Variants in KCNQ1 observed in about 807,000 individuals in gnomAD.
KCNQ1 encodes the protein potassium voltage-gated channel subfamily Q member 1.
Under a neutral mutation model 72.4 loss-of-function variants are expected in KCNQ1, and 49 were observed. That is an observed-to-expected ratio of 0.68 (90% CI 0.54 to 0.86). KCNQ1 has a LOEUF of 0.86. KCNQ1 is among the 40% of genes least tolerant of loss of function. KCNQ1 has a pLI of 0.00. For missense variants in KCNQ1, 790 were observed against 945.1 expected (o/e 0.84, Z 2.15); for synonymous variants, 450 against 412.6 (o/e 1.09, Z -1.10).
In KCNQ1 at chr11:2,676,606, G is replaced by A. The variant is rs1850299165; in HGVS notation, c.1514+14525G>A. 1 of 398,562 alleles carries A rather than the reference G, an allele frequency of 2.5e-6. No individual in the cohort carries two copies. The highest frequency in any genetic ancestry group is 4.4e-6 in the Non-Finnish European group (1 of 226,100). The allele number at this position is 398,562 out of a possible 1,614,324, so 24.7% of individuals were successfully genotyped here. On this transcript the variant is annotated intron_variant, in intron 11 of 15. Transcript: ENST00000155840. This position sits in a 1 kb window ranked among gnomAD's most constrained non-coding sequence, Gnocchi z 4.2. ...ATTCAACAGCCAGCTCTCCAAAGAGGCCTCTAAGAAATGGGTAGCTTCACA... is the reference window on the plus strand; with the variant it reads ...ATTCAACAGCCAGCTCTCCAAAGAGACCTCTAAGAAATGGGTAGCTTCACA...
Position 2,683,489 on chromosome 11 carries a change from C to T in KCNQ1, c.1514+21408C>T, listed in dbSNP as rs958107429. The T allele has an allele frequency of 2.5e-6, 1 of 398,464 alleles. No homozygotes were observed. Among genetic ancestry groups the T allele is most frequent in the Non-Finnish European group, 4.4e-6 (1 of 226,054 alleles). The allele number at this position is 398,464 out of a possible 1,614,324, so 24.7% of individuals were successfully genotyped here. A position where few individuals can be genotyped will look rare whatever the true frequency, so the allele number is the denominator to read the frequency against. On this transcript the variant is annotated intron_variant, in intron 11 of 15. Coordinates refer to ENST00000155840, the MANE Select transcript of KCNQ1 (RefSeq NM_000218.3). This position sits in a 1 kb window ranked among gnomAD's most constrained non-coding sequence, Gnocchi z 4.7. ...ATCAATGACAGTTTTCCTATTAAAA[C>T]ATAACTTGTTAAAGCATAGAGCTTA...
In KCNQ1 at chr11:2,514,695, G is replaced by A. The variant is rs12276374; in HGVS notation, c.387-13233G>A. Among the ~76,000 whole-genome samples the A allele has an allele frequency of 4.6e-3, 704 of 152,306 alleles. 2 individuals are homozygous for A. Among genetic ancestry groups the A allele is most frequent in the African/African-American group, 0.014 (601 of 41,572 alleles). On this transcript the variant is annotated intron_variant, in intron 1 of 15. Coordinates refer to ENST00000155840, the MANE Select transcript of KCNQ1 (RefSeq NM_000218.3). ...CAAAAAATTAGCCCGGCGTGGTGGC[G>A]GGCGCCTGTAGTCCCAGCTACTCGG...
intron 10 of KCNQ1, chr11:2,633,174 C>T (rs997699180): frequency 2.3e-5 from 9 of 398,380 alleles, no homozygotes; most frequent in African/African-American, 1.6e-4. Flanking sequence ...AGATGTTGAG[C>T]ATTTTTTCAC....
chr11:2,510,871 G>A (rs1847189204), intron 1 of KCNQ1, among the ~76,000 whole-genome samples: 1 of 152,098 alleles, frequency 6.6e-6, no homozygotes, highest in African/African-American at 2.4e-5. Context: ...CTGCTCCCCT[G>A]GCCCAGACCA....
In KCNQ1 at chr11:2,623,034, G is replaced by A. The variant is rs920073965; in HGVS notation, c.1393+34180G>A. On this transcript the variant is annotated intron_variant, in intron 10 of 15. Transcript: ENST00000155840. This position sits in a 1 kb window ranked among gnomAD's most constrained non-coding sequence, Gnocchi z 5.2. ...GTAATCCCCATGTGTCAGGGGAGGG[G>A]CCTGGTGGGGGGCAAACTTCCCCCT... is the stretch of plus-strand genomic sequence containing the variant. The A allele has an allele frequency of 2.5e-6, 1 of 398,598 alleles. No individual in the cohort carries two copies. Among genetic ancestry groups the A allele is most frequent in the South Asian group, 1.3e-4 (1 of 7,798 alleles). The allele number at this position is 398,598 out of a possible 1,614,324, so 24.7% of individuals were successfully genotyped here. A position where few individuals can be genotyped will look rare whatever the true frequency, so the allele number is the denominator to read the frequency against.
At chr11:2,727,243 G>T (rs1254963774) in intron 11 of KCNQ1, among the ~76,000 whole-genome samples, 1 of 152,212 alleles carries the variant, frequency 6.6e-6, no homozygotes, top group Non-Finnish European at 1.5e-5. Context: ...TGGGGGATGT[G>T]CTCAGGCCCT....
intron 15 of KCNQ1, among the ~76,000 whole-genome samples, chr11:2,792,825 G>A (rs1473128482): frequency 6.6e-6 from 1 of 152,202 alleles, no homozygotes; most frequent in Non-Finnish European, 1.5e-5. Flanking sequence ...GTTCTTGCAC[G>A]TTCAGGATTA....
At chr11:2,590,412 T>TC (rs1292870956) in intron 10 of KCNQ1, among the ~76,000 whole-genome samples, 2 of 152,300 alleles carry the variant, frequency 1.3e-5, no homozygotes, top group African/African-American at 4.8e-5. Flanking sequence ...CAGGGCGTGG[T>TC]CCCCCTTGGA....
chr11:2,607,063 T>C (rs1006502117), intron 10 of KCNQ1, among the ~76,000 whole-genome samples: 1 of 151,906 alleles, frequency 6.6e-6, no homozygotes, highest in Non-Finnish European at 1.5e-5. Flanking sequence ...CTGCCATGCC[T>C]GGCTAATTTT....
At chr11:2,561,182 G>A (rs1409023569) in intron 2 of KCNQ1, among the ~76,000 whole-genome samples, 44 of 145,280 alleles carry the variant, frequency 3.0e-4, no homozygotes, top group African/African-American at 1.0e-3. Flanking sequence ...CAGCCTGGGC[G>A]ACAGCGAGAC....
chr11:2,798,978 G>A (rs778097629), intron 15 of KCNQ1, among the ~76,000 whole-genome samples: 12 of 152,308 alleles, frequency 7.9e-5, no homozygotes, highest in Admixed American at 1.3e-4. Context: ...GGGTACCCAC[G>A]AGGAAGGGGA....
In KCNQ1 at chr11:2,526,107, G is replaced by A. The variant is rs1269242587; in HGVS notation, c.387-1821G>A. ...GCAGCAGGTGCACGGGCCCTGAGGT[G>A]GGCCGGGCTGGGCACAGTCAGGACT... On this transcript the variant is annotated intron_variant, in intron 1 of 15. Coordinates refer to ENST00000155840, the MANE Select transcript of KCNQ1 (RefSeq NM_000218.3). The surrounding 1 kb of genome is among the most constrained non-coding windows in gnomAD (Gnocchi z 6.1). 2.6e-5 allele frequency among the ~76,000 whole-genome samples: 4 copies of A among 152,224 alleles called. No homozygotes were observed. Among genetic ancestry groups the A allele is most frequent in the Non-Finnish European group, 5.9e-5 (4 of 68,038 alleles).
At chr11:2,798,528 C>T (rs1194752860) in intron 15 of KCNQ1, among the ~76,000 whole-genome samples, 2 of 147,596 alleles carry the variant, frequency 1.4e-5, no homozygotes, top group Admixed American at 6.8e-5. Flanking sequence ...TTGGTGATGG[C>T]AAAATTATGC....
chr11:2,661,123 T>C lies in KCNQ1; in HGVS notation c.1394-838T>C. On this transcript the variant is annotated intron_variant, in intron 10 of 15. Coordinates refer to ENST00000155840, the MANE Select transcript of KCNQ1 (RefSeq NM_000218.3). This position sits in a 1 kb window ranked among gnomAD's most constrained non-coding sequence, Gnocchi z 5.9. ...TCCCACCTGGCATCTGCTGCTCGGA[T>C]GAGCAGAGAGGGTGGGCTAGGGATC... 2.5e-6 allele frequency: 1 copy of C among 398,500 alleles called. No individual in the cohort carries two copies. Among genetic ancestry groups the C allele is most frequent in the Non-Finnish European group, 4.4e-6 (1 of 226,060 alleles). 24.7% of individuals were successfully genotyped at this position (398,500 alleles called of 1,614,324 possible).
At chr11:2,801,571 T>C (rs1051535964) in intron 15 of KCNQ1, among the ~76,000 whole-genome samples, 12 of 152,230 alleles carry the variant, frequency 7.9e-5, no homozygotes, top group Non-Finnish European at 1.8e-4. Context: ...GTGAGTCCTA[T>C]GGGACCAAGG....
intron 11 of KCNQ1, chr11:2,700,022 T>A (rs1169260844): frequency 2.0e-5 from 8 of 398,050 alleles, no homozygotes; most frequent in African/African-American, 1.6e-4. Flanking sequence ...GCGCTCCGAC[T>A]GCCCCCGCCG....
chr11:2,632,483 C>G (rs1849377214), intron 10 of KCNQ1: 1 of 398,390 alleles, frequency 2.5e-6, no homozygotes, highest in Non-Finnish European at 4.4e-6. Flanking sequence ...CATTATGATG[C>G]TCCTTGTGGG....
At position 2,670,971 on chromosome 11, in the gene KCNQ1, C is replaced by T. The variant is rs1039928310; in HGVS notation, c.1514+8890C>T. On this transcript the variant is annotated intron_variant, in intron 11 of 15. Coordinates refer to ENST00000155840, the MANE Select transcript of KCNQ1 (RefSeq NM_000218.3). The surrounding 1 kb of genome is among the most constrained non-coding windows in gnomAD (Gnocchi z 4.9). ...TGCCTTCTTATGGTGCCCCAGAGCC[C>T]CTGGCTAGGCATTCATGCTTTAGAT... The T allele has an allele frequency of 7.5e-6, 3 of 398,502 alleles. No individual in the cohort carries two copies. The highest frequency in any genetic ancestry group is 6.2e-5 in the African/African-American group (3 of 48,616). 24.7% of individuals were successfully genotyped at this position (398,502 alleles called of 1,614,324 possible).
In KCNQ1 at chr11:2,702,957, C is replaced by T. The variant is rs938816304; in HGVS notation, c.1514+40876C>T. Among the ~76,000 whole-genome samples the T allele has an allele frequency of 4.6e-5, 7 of 152,224 alleles. No homozygotes were observed. In the South Asian group the frequency reaches 1.2e-3, roughly 27 times the overall value. On this transcript the variant is annotated intron_variant, in intron 11 of 15. Coordinates refer to ENST00000155840, the MANE Select transcript of KCNQ1 (RefSeq NM_000218.3). ...CGCACCTGTTGTGTGCCCCCACTCC[C>T]GCCTCCTCTAGTCCTTTGGGGGAAG...
Sources: allele counts gnomAD v4.1 joint callset (sites outside exome capture counted in the v4.1 genomes callset), GRCh38; gene constraint gnomAD v4.1.1; non-coding constraint Gnocchi (gnomAD v3.1); transcripts MANE v1.5; gene names NCBI Gene and HGNC (gene_info 2026-07-23, HGNC 2026-07-21).